Variants in MTSS1 observed in about 807,000 individuals in gnomAD.
MTSS1 encodes the protein MTSS I-BAR domain containing 1.
In MTSS1, 18 loss-of-function variants were observed where a neutral mutation model predicts 79.0. The observed-to-expected ratio is 0.23, with a 90% CI of 0.16 to 0.34. The LOEUF is 0.34. Ranked by LOEUF, MTSS1 falls within the 10% of genes least tolerant of loss-of-function variation. The probability of loss-of-function intolerance (pLI) is 1.00; values close to 1 mark genes in which losing one functional copy is unlikely to be tolerated. For missense variants in MTSS1, 815 were observed against 986.2 expected (o/e 0.83, Z 2.33); for synonymous variants, 341 against 368.6 (o/e 0.93, Z 0.86).
Position 124,577,380 on chromosome 8 carries a change from G to A in MTSS1, c.460+7707C>T, listed in dbSNP as rs998048891. On this transcript the variant is annotated intron_variant, in intron 6 of 13. Coordinates refer to ENST00000518547, the MANE Select transcript of MTSS1 (RefSeq NM_014751.6). ...TTCTTCTGCCTCAGCATCCCAAGTC[G>A]CTGAGAATGCAGGTGCACGCCACCA... Among the ~76,000 whole-genome samples, 4 of 152,208 alleles carry A rather than the reference G, an allele frequency of 2.6e-5. No individual in the cohort carries two copies. The East Asian group carries it at 7.7e-4, about 29-fold the overall frequency.
chr8:124,671,093 T>C (rs1824102749), intron 3 of MTSS1, among the ~76,000 whole-genome samples: 1 of 151,802 alleles, frequency 6.6e-6, no homozygotes, highest in African/African-American at 2.4e-5. Context: ...GCCAATAAGC[T>C]CATTGGGGTA....
At chr8:124,672,458 C>T (rs934633837) in intron 3 of MTSS1, among the ~76,000 whole-genome samples, 2 of 151,296 alleles carry the variant, frequency 1.3e-5, no homozygotes, top group African/African-American at 4.9e-5. Context: ...CATACCACTG[C>T]ACTCCAGCCT....
intron 3 of MTSS1, among the ~76,000 whole-genome samples, chr8:124,652,575 G>C (rs540421849): frequency 6.7e-6 from 1 of 148,918 alleles, no homozygotes; most frequent in South Asian, 2.4e-4. Flanking sequence ...CACGTAAAAA[G>C]AAACAGGTGA....
intron 3 of MTSS1, among the ~76,000 whole-genome samples, chr8:124,662,406 T>A (rs1260479284): frequency 6.6e-6 from 1 of 152,110 alleles, no homozygotes; most frequent in East Asian, 1.9e-4. Context: ...ATAAAAAAAA[T>A]ACTGTATGCC....
intron 3 of MTSS1, among the ~76,000 whole-genome samples, chr8:124,603,371 C>T (rs529335547): frequency 5.9e-5 from 9 of 152,344 alleles, no homozygotes; most frequent in East Asian, 3.9e-4. Flanking sequence ...TCCTGATGCA[C>T]GCAGGACTTC....
chr8:124,712,007 G>GA (rs113611055), intron 1 of MTSS1, among the ~76,000 whole-genome samples: 3,647 of 102,530 alleles, frequency 0.036, 75 homozygotes, highest in African/African-American at 0.066. Context: ...GACTGTCTCA[G>GA]AAAAAAAAAA....
intron 3 of MTSS1, among the ~76,000 whole-genome samples, chr8:124,632,378 G>A (rs1563901041): frequency 6.6e-6 from 1 of 151,756 alleles, no homozygotes; most frequent in East Asian, 1.9e-4. Flanking sequence ...GCTGGGCATG[G>A]TGGCTCACAC....
chr8:124,661,017 A>G (rs991247420), intron 3 of MTSS1, among the ~76,000 whole-genome samples: 9 of 152,238 alleles, frequency 5.9e-5, no homozygotes, highest in Non-Finnish European at 7.3e-5. Context: ...GCCATCGTCA[A>G]TCAACAGAGA....
chr8:124,567,724 G>A, intron 7 of MTSS1: 1 of 1,514,980 alleles, frequency 6.6e-7, no homozygotes. Flanking sequence ...GAAGTGCCAA[G>A]TTGGGACCAC....
At position 124,650,836 on chromosome 8, in the gene MTSS1, C is replaced by A. The variant is rs566094739; in HGVS notation, c.208+48690G>T. Among the ~76,000 whole-genome samples, 10 of 152,314 alleles carry A rather than the reference C, an allele frequency of 6.6e-5. No individual in the cohort carries two copies. The South Asian group carries it at 2.1e-3, about 32-fold the overall frequency. On this transcript the variant is annotated intron_variant, in intron 3 of 13. Transcript: ENST00000518547. ...CCCAGTAAGTACTTGGTAGTTAACACAAATGCTCGATTAACAATGGTGTAT... is the reference window on the plus strand; with the variant it reads ...CCCAGTAAGTACTTGGTAGTTAACAAAAATGCTCGATTAACAATGGTGTAT...
At chr8:124,719,525 T>C (rs1832605406) in intron 1 of MTSS1, among the ~76,000 whole-genome samples, 1 of 152,174 alleles carries the variant, frequency 6.6e-6, no homozygotes, top group Admixed American at 6.5e-5. Flanking sequence ...GCCTGTCTCC[T>C]AGACTGAGCA....
chr8:124,550,831 G>C lies in MTSS1; in HGVS notation c.*2161C>G, dbSNP rs1822403018. On this transcript the variant is annotated 3_prime_UTR_variant, in exon 14 of 14. Coordinates refer to ENST00000518547, the MANE Select transcript of MTSS1 (RefSeq NM_014751.6). Reference sequence around the variant, plus strand: ...ATTTATAACGTAGGCTGAAGCAATTGTTACAATGTAGGAGGGAGACACATT... The same window carrying C: ...ATTTATAACGTAGGCTGAAGCAATTCTTACAATGTAGGAGGGAGACACATT... 1 of 152,560 alleles carries C rather than the reference G, an allele frequency of 6.6e-6. No homozygotes were observed. Among genetic ancestry groups the C allele is most frequent in the Non-Finnish European group, 1.5e-5 (1 of 68,030 alleles). The allele number at this position is 152,560 out of a possible 1,614,324, so 9.5% of individuals were successfully genotyped here. A position where few individuals can be genotyped will look rare whatever the true frequency, so the allele number is the denominator to read the frequency against.
At chr8:124,643,850 T>C (rs80128108) in intron 3 of MTSS1, among the ~76,000 whole-genome samples, 1,772 of 152,186 alleles carry the variant, frequency 0.012, 18 homozygotes, top group Admixed American at 0.018. Context: ...TATTTCCAAA[T>C]GGCAAAATTA....
intron 3 of MTSS1, among the ~76,000 whole-genome samples, chr8:124,635,532 A>G (rs1438393982): frequency 2.6e-5 from 4 of 152,212 alleles, no homozygotes; most frequent in South Asian, 2.1e-4. Context: ...CTCTGTTCCT[A>G]TAAGATCTCC....
At chr8:124,636,225 G>C (rs1816968914) in intron 3 of MTSS1, among the ~76,000 whole-genome samples, 1 of 152,294 alleles carries the variant, frequency 6.6e-6, no homozygotes, top group South Asian at 2.1e-4. Context: ...TGCCTCCTAG[G>C]TTCAAGCGAT....
At chr8:124,594,424 G>A (rs1832400426) in intron 3 of MTSS1, among the ~76,000 whole-genome samples, 1 of 152,246 alleles carries the variant, frequency 6.6e-6, no homozygotes, top group South Asian at 2.1e-4. Context: ...CCACCTACTT[G>A]GGAGGAGTAG....
chr8:124,554,325 A>T (rs1347632323), intron 13 of MTSS1, among the ~76,000 whole-genome samples: 2 of 152,052 alleles, frequency 1.3e-5, no homozygotes, highest in Non-Finnish European at 2.9e-5. Context: ...GTTATGGAGG[A>T]CGTGGTGGGG....
chr8:124,553,008 G>C lies in MTSS1; in HGVS notation c.2252C>G (p.Ala751Gly), dbSNP rs1357110539. The change falls in exon 14 of 14, where the codon GCC becomes GGC. Residue 751 changes from alanine to glycine, a missense_variant. This residue lies in a region of MTSS1 where 590 missense variants were observed against 620.8 expected (regional missense o/e 0.95). Transcript: ENST00000518547. This position sits in a 1 kb window ranked among gnomAD's most constrained non-coding sequence, Gnocchi z 6.0. ...CTTGTGAACCTAAGAAAAGCGAGGGGCTGAGCGATCGTTTGTCGTGGTCTT... is the reference window on the plus strand; with the variant it reads ...CTTGTGAACCTAAGAAAAGCGAGGGCCTGAGCGATCGTTTGTCGTGGTCTT... ...LKKTTTNDRS[A>G]PRFS 6.2e-7 allele frequency: 1 copy of C among 1,613,114 alleles called. No individual in the cohort carries two copies. The highest frequency in any genetic ancestry group is 1.7e-5 in the Admixed American group (1 of 60,006).
chr8:124,567,604 C>G, intron 7 of MTSS1: 1 of 1,393,262 alleles, frequency 7.2e-7, no homozygotes, highest in South Asian at 1.7e-5. Context: ...CCTGTGTGTT[C>G]AACAGAAGCT....
Sources: allele counts gnomAD v4.1 joint callset (sites outside exome capture counted in the v4.1 genomes callset), GRCh38; gene constraint gnomAD v4.1.1; regional missense constraint gnomAD v4.1.1; non-coding constraint Gnocchi (gnomAD v3.1); transcripts MANE v1.5; gene names NCBI Gene and HGNC (gene_info 2026-07-23, HGNC 2026-07-21).